The following DYRK1A variants were observed in gnomAD, a reference collection of about 807,000 sequenced individuals.
The protein encoded by DYRK1A is dual specificity tyrosine phosphorylation regulated kinase 1A, also known as dual specificity tyrosine-phosphorylation-regulated kinase 1A.
In DYRK1A, 9 loss-of-function variants were observed where a neutral mutation model predicts 79.7. That is an observed-to-expected ratio of 0.11 (90% CI 0.07 to 0.20). The LOEUF is 0.20. Among genes scored for constraint, DYRK1A ranks in the 10% least tolerant of loss-of-function variants. DYRK1A has a pLI of 1.00. For missense variants in DYRK1A, 622 were observed against 956.0 expected, an observed-to-expected ratio of 0.65 and a Z score of 4.61; for synonymous variants, 349 against 329.7, an observed-to-expected ratio of 1.06 and a Z score of -0.63.
intron 9 of DYRK1A, chr21:37,501,721 GTGTT>G (rs771410486): frequency 1.6e-4 from 24 of 152,208 alleles, no homozygotes; most frequent in African/African-American, 5.3e-4. Context: ...ATTGTATTTT[GTGTT>G]TGTTTGGCGT....
At position 37,523,086 on chromosome 21, in the gene DYRK1A, C is replaced by T. The variant is rs910228708; in HGVS notation, c.*10555C>T. Reference sequence around the variant, plus strand: ...ATAGGGTCTTGCTGTGTTGCCCAGGCTGCAGTGCAGTGGTATGATCTCTGC... The same window carrying T: ...ATAGGGTCTTGCTGTGTTGCCCAGGTTGCAGTGCAGTGGTATGATCTCTGC... On this transcript the variant is annotated 3_prime_UTR_variant, in exon 12 of 12. Transcript: ENST00000647188. The T allele has an allele frequency of 1.8e-4, 27 of 152,332 alleles. No individual in the cohort carries two copies. Among genetic ancestry groups the T allele is most frequent in the African/African-American group, 6.5e-4 (27 of 41,452 alleles). The allele number at this position is 152,332 out of a possible 1,614,324, so 9.4% of individuals were successfully genotyped here.
At chr21:37,438,004 A>G (rs187023623) in intron 2 of DYRK1A, among the ~76,000 whole-genome samples, 5 of 152,092 alleles carry the variant, frequency 3.3e-5, no homozygotes, top group Admixed American at 6.5e-5. Flanking sequence ...ACATTTTGCC[A>G]TATTTGGTGG....
rs762594500 is a variant in DYRK1A, at chr21:37,512,571, A to G, written c.*40A>G. On this transcript the variant is annotated 3_prime_UTR_variant, in exon 12 of 12. Transcript: ENST00000647188. ...GAGTTTGTTTCTTGTGTGTTTTTAT[A>G]GAAGTGGTGTTTTTTTTCCAAAAAC... The G allele has an allele frequency of 6.3e-7, 1 of 1,586,980 alleles. No homozygotes were observed. The highest frequency in any genetic ancestry group is 8.6e-7 in the Non-Finnish European group (1 of 1,164,940).
chr21:37,403,559 G>A (rs1301310526), intron 1 of DYRK1A, among the ~76,000 whole-genome samples: 1 of 151,648 alleles, frequency 6.6e-6, no homozygotes, highest in African/African-American at 2.4e-5. Context: ...TCACACTGCT[G>A]GGCTCAAGTG....
intron 2 of DYRK1A, among the ~76,000 whole-genome samples, chr21:37,425,992 A>G (rs1368874920): frequency 2.6e-5 from 4 of 152,230 alleles, no homozygotes; most frequent in Non-Finnish European, 5.9e-5. Flanking sequence ...GGAGGACACA[A>G]TAAGTTCTGA....
intron 2 of DYRK1A, among the ~76,000 whole-genome samples, chr21:37,463,947 T>G (rs1464588728): frequency 6.6e-6 from 1 of 152,230 alleles, no homozygotes; most frequent in Non-Finnish European, 1.5e-5. Context: ...TTCTTTAATA[T>G]TGTTCTTTGA....
Position 37,514,729 on chromosome 21 carries a change from G to C in DYRK1A, c.*2198G>C, listed in dbSNP as rs2053852146. ...TTTTTGAACTTGGTAGTTCATAAAG[G>C]TTTACAGTGAATAAAAGGATATCAT... On this transcript the variant is annotated 3_prime_UTR_variant, in exon 12 of 12. Transcript: ENST00000647188. 1 of 152,518 alleles carries C rather than the reference G, an allele frequency of 6.6e-6. No individual in the cohort carries two copies. The highest frequency in any genetic ancestry group is 2.4e-5 in the African/African-American group (1 of 41,418). 9.4% of individuals were successfully genotyped at this position (152,518 alleles called of 1,614,324 possible). A position where few individuals can be genotyped will look rare whatever the true frequency, so the allele number is the denominator to read the frequency against.
chr21:37,512,486 C>T lies in DYRK1A; in HGVS notation c.2220C>T (p.Pro740=), dbSNP rs756599756. The change falls in exon 12 of 12, where the codon CCC becomes CCT. Residue 740 remains proline (P), a synonymous_variant. Coordinates refer to ENST00000647188, the MANE Select transcript of DYRK1A (RefSeq NM_001347721.2). ...AAGGGGCTGATAGAGAAGAGTCCCC[C>T]ATGACAGGAGTTTGTGTGCAACAGA... ...MRQGADREES[P]MTGVCVQQSP... 87 of 1,614,066 alleles carry T rather than the reference C, an allele frequency of 5.4e-5. No individual in the cohort carries two copies. The highest frequency in any genetic ancestry group is 7.4e-5 in the Non-Finnish European group (87 of 1,180,044).
chr21:37,469,667 G>A (rs915035167), intron 2 of DYRK1A, among the ~76,000 whole-genome samples: 1 of 152,138 alleles, frequency 6.6e-6, no homozygotes, highest in African/African-American at 2.4e-5. Context: ...AGGCAAAAGG[G>A]GGAGGTGCCA....
chr21:37,473,655 A>G (rs536175716), intron 3 of DYRK1A, among the ~76,000 whole-genome samples: 20 of 152,080 alleles, frequency 1.3e-4, no homozygotes, highest in Middle Eastern at 6.8e-3. Flanking sequence ...CTTTTAATAT[A>G]TTGTGTGAGG....
At chr21:37,410,644 C>T (rs1296221207) in intron 1 of DYRK1A, 1 of 152,300 alleles carries the variant, frequency 6.6e-6, no homozygotes, top group East Asian at 1.9e-4. Context: ...CTTCCCACCT[C>T]AGCCTCCCCA....
At chr21:37,460,059 G>A (rs957227607) in intron 2 of DYRK1A, among the ~76,000 whole-genome samples, 1 of 151,784 alleles carries the variant, frequency 6.6e-6, no homozygotes, top group African/African-American at 2.4e-5. Context: ...TTGTATAAGC[G>A]ACCATTATTT....
At chr21:37,432,716 A>G (rs776759527) in intron 2 of DYRK1A, among the ~76,000 whole-genome samples, 87 of 152,300 alleles carry the variant, frequency 5.7e-4, no homozygotes, top group Non-Finnish European at 1.0e-3. Context: ...TTGAGAGGAT[A>G]GAGGCTGTTT....
chr21:37,443,516 T>G (rs575428175), intron 2 of DYRK1A, among the ~76,000 whole-genome samples: 1 of 152,356 alleles, frequency 6.6e-6, no homozygotes, highest in South Asian at 2.1e-4. Flanking sequence ...TTTTCTTGGC[T>G]TTTGTTCTGG....
chr21:37,496,166 C>T lies in DYRK1A; in HGVS notation c.1120C>T (p.His374Tyr), dbSNP rs1315142043. The change falls in exon 9 of 12, where the codon CAT becomes TAT. Residue 374 changes from histidine to tyrosine, a missense_variant. Transcript: ENST00000647188. ...GGAAGTTCTGGGTATTCCACCTGCT[C>T]ATATTCTTGACCAAGCACCAAAAGC... is the stretch of plus-strand genomic sequence containing the variant. ...IVEVLGIPPA[H>Y]ILDQAPKARK... The T allele has an allele frequency of 3.7e-6, 6 of 1,613,900 alleles. 1 individual carries two copies. Among genetic ancestry groups the T allele is most frequent in the South Asian group, 3.3e-5 (3 of 91,042 alleles).
At chr21:37,476,818 T>TCCCCCCC (rs71328590) in intron 3 of DYRK1A, among the ~76,000 whole-genome samples, 1 of 78,190 alleles carries the variant, frequency 1.3e-5, no homozygotes, top group Non-Finnish European at 2.6e-5. Context: ...CACCAAGGGT[T>TCCCCCCC]CCCCCCCCCC....
intron 3 of DYRK1A, among the ~76,000 whole-genome samples, chr21:37,475,095 A>G (rs2052351377): frequency 6.6e-6 from 1 of 152,244 alleles, no homozygotes; most frequent in Admixed American, 6.5e-5. Flanking sequence ...AGCTCTTATA[A>G]CTGATCTAAG....
chr21:37,426,150 C>G (rs971365812), intron 2 of DYRK1A, among the ~76,000 whole-genome samples: 3 of 152,080 alleles, frequency 2.0e-5, no homozygotes, highest in Non-Finnish European at 2.9e-5. Context: ...GAAAAAATGT[C>G]AGATGAAAGT....
At chr21:37,384,026 T>A (rs989489573) in intron 1 of DYRK1A, among the ~76,000 whole-genome samples, 1 of 152,158 alleles carries the variant, frequency 6.6e-6, no homozygotes, top group African/African-American at 2.4e-5. Flanking sequence ...AGAACTGTGA[T>A]CCCTGACAGA....
Sources: gnomAD v4.1 joint callset for allele counts (sites outside exome capture counted in the v4.1 genomes callset) on GRCh38, gnomAD v4.1.1 for gene constraint, MANE v1.5 for transcripts, NCBI Gene and HGNC (gene_info 2026-07-23, HGNC 2026-07-21) for gene names.